The following TTN variants were observed in gnomAD, a reference collection of about 807,000 sequenced individuals.
TTN encodes the protein titin, also known as connectin.
Under a neutral mutation model 3,223.0 loss-of-function variants are expected in TTN, and 1,525 were observed. The observed-to-expected ratio is 0.47, with a 90% confidence interval of 0.45 to 0.49. The LOEUF (loss-of-function observed/expected upper bound fraction) is 0.49. Ranked by LOEUF, TTN falls within the 20% of genes least tolerant of loss-of-function variation. TTN has a pLI of 0.00. For synonymous variants in TTN, 14,094 were observed against 15,161.0 expected, an observed-to-expected ratio of 0.93 and a Z score of 5.17; for missense variants, 40,786 against 43,424.0, an observed-to-expected ratio of 0.94 and a Z score of 5.40.
chr2:178,672,524 GC>G, intron 153 of TTN, 43 bp from the exon 154 acceptor site: 6 of 1,602,322 alleles, frequency 3.7e-6, no homozygotes, highest in Non-Finnish European at 5.1e-6. Context: ...TCGAGAGCAA[GC>G]TTTCATAGAC....
intron 47 of TTN, chr2:178,745,845 CT>C (rs759220489): frequency 6.2e-7 from 1 of 1,613,058 alleles, no homozygotes; most frequent in Admixed American, 1.7e-5. Context: ...TCAGAAATAC[CT>C]TTGATAAACC....
At position 178,636,824 on chromosome 2, in the gene TTN, T is replaced by G. The variant is rs1283851156; in HGVS notation, c.40928-25A>C. The stretch of plus-strand genomic sequence containing the variant: ...CCTAATTCAAAGTAAAATAAAAAGT[T>G]GATTTGGCATCTCCTTAGGAGTCAG... On this transcript the variant is annotated intron_variant, in intron 224 of 362. Coordinates refer to ENST00000589042, the MANE Select transcript of TTN (RefSeq NM_001267550.2). The surrounding 1 kb of genome is among the most constrained non-coding windows in gnomAD (Gnocchi z 4.3). 6.5e-7 allele frequency: 1 copy of G among 1,536,522 alleles called. No homozygotes were observed. Among genetic ancestry groups the G allele is most frequent in the Non-Finnish European group, 8.7e-7 (1 of 1,144,492 alleles).
Position 178,535,135 on chromosome 2 carries a change from C to G in TTN, c.101480G>C (p.Arg33827Pro). The G allele has an allele frequency of 6.2e-7, 1 of 1,613,822 alleles. No homozygotes were observed. Among genetic ancestry groups the G allele is most frequent in the Non-Finnish European group, 8.5e-7 (1 of 1,179,846 alleles). The change falls in exon 358 of 363, where the codon CGT (arginine) becomes CCT (proline). Residue 33827 changes from arginine to proline, a missense_variant. Transcript: ENST00000589042. ...EKYMIAEDLG[R>P]GEFGIVHRCV... ...ACGATGGACAATTCCAAACTCACCA[C>G]GCCCAAGATCTTCAGCAATCATATA...
Position 178,543,541 on chromosome 2 carries a change from C to A in TTN, c.96432G>T (p.Lys32144Asn), listed in dbSNP as rs768078237. ...GAPVNNYIVE[K>N]REAAMRAFKT... ...TGAATGCTCTCATAGCAGCTTCACG[C>A]TTCTCAACGATGTAATTGTTGACTG... Residue 32144 changes from lysine to asparagine, a missense_variant, in exon 347 of 363, where the codon AAG (lysine) becomes AAT (asparagine). Lys to Asn is a moderately conservative substitution (Grantham distance 94, BLOSUM62 0). Coordinates refer to ENST00000589042, the MANE Select transcript of TTN (RefSeq NM_001267550.2). 2.9e-5 allele frequency: 46 copies of A among 1,612,528 alleles called. No individual in the cohort carries two copies. The highest frequency in any genetic ancestry group is 1.6e-4 in the Middle Eastern group (1 of 6,084).
At chr2:178,600,499 G>C in intron 288 of TTN, 1 of 215,618 alleles carries the variant, frequency 4.6e-6, no homozygotes, top group Non-Finnish European at 9.7e-6. Flanking sequence ...TGATTGTGAA[G>C]ATAAATGGGT....
rs190461403 is a variant in TTN at position 178,651,290 on chromosome 2, T to C, written c.39578A>G (p.Glu13193Gly). 4.8e-5 allele frequency: 77 copies of C among 1,613,300 alleles called. No individual in the cohort carries two copies. The Admixed American group carries it at 1.2e-3, about 26-fold the overall frequency. ...VPEVPKEVVP[E>G]KKVAVPKKPE... ...CTTTTTGGGAACAGCTACTTTCTTT[T>C]CTGGAACAACTTCTTTTGGAACTTC... The change falls in exon 208 of 363, where the codon GAA becomes GGA. Residue 13193 changes from glutamate to glycine, a missense_variant. Coordinates refer to ENST00000589042, the MANE Select transcript of TTN (RefSeq NM_001267550.2).
At chr2:178,631,702 T>C (rs2059827479) in intron 236 of TTN, among the ~76,000 whole-genome samples, 1 of 152,090 alleles carries the variant, frequency 6.6e-6, no homozygotes, top group Non-Finnish European at 1.5e-5. Context: ...CCTTTAATCA[T>C]GTCTATATAT....
chr2:178,775,449 T>G lies in TTN; in HGVS notation c.6415A>C (p.Arg2139=). The G allele has an allele frequency of 6.2e-7, 1 of 1,614,028 alleles. No individual in the cohort carries two copies. The highest frequency in any genetic ancestry group is 8.5e-7 in the Non-Finnish European group (1 of 1,179,986). The change falls in exon 28 of 363, where the codon AGA becomes CGA. Residue 2139 remains arginine (R), a synonymous_variant. Transcript: ENST00000589042. The stretch of plus-strand genomic sequence containing the variant: ...GCAGAGTCCTCAGCAGTCACATCTC[T>G]TATGACCAATTCACAAACATTGTCT... ...PEDNVCELVI[R]DVTAEDSASI... is the part of the protein sequence containing the mutation.
chr2:178,719,385 A>G lies in TTN; in HGVS notation c.24005T>C (p.Val8002Ala). 1.9e-6 allele frequency: 3 copies of G among 1,613,684 alleles called. No individual in the cohort carries two copies. The highest frequency in any genetic ancestry group is 2.2e-5 in the East Asian group (1 of 44,856). ...KDVNAILGAS[V>A]VLECRVSGSA... is the part of the protein sequence containing the mutation. ...GCCAGAGACTCGGCACTCCAAAACA[A>G]CTGAGGCCCCCAGGATGGCATTCAC... The change falls in exon 83 of 363, where the codon GTT becomes GCT. Residue 8002 changes from valine (V) to alanine (A), a missense_variant. By Grantham distance (64) the Val-to-Ala change is moderately conservative. Coordinates refer to ENST00000589042, the MANE Select transcript of TTN (RefSeq NM_001267550.2).
Position 178,595,550 on chromosome 2 carries a change from T to C in TTN, c.57804A>G (p.Pro19268=), listed in dbSNP as rs770940798. 49 of 1,568,342 alleles carry C rather than the reference T, an allele frequency of 3.1e-5. No individual in the cohort carries two copies. The highest frequency in any genetic ancestry group is 1.7e-6 in the Non-Finnish European group (2 of 1,155,164). The part of the protein sequence containing the change: ...IAAENSIGMG[P]FVETSEALVI... ...CAAGTGCCTCTGATGTCTCAACAAA[T>C]GGACCCATGCCAATACTATTTTCAG... Residue 19268 remains proline, a synonymous_variant, in exon 295 of 363, where the codon CCA becomes CCG. Coordinates refer to ENST00000589042, the MANE Select transcript of TTN (RefSeq NM_001267550.2).
chr2:178,584,693 T>C lies in TTN; in HGVS notation c.64948A>G (p.Lys21650Glu), dbSNP rs2048550217. The C allele has an allele frequency of 6.2e-7, 1 of 1,613,428 alleles. No homozygotes were observed. Among genetic ancestry groups the C allele is most frequent in the African/African-American group, 1.3e-5 (1 of 75,000 alleles). The change falls in exon 310 of 363, where the codon AAG becomes GAG. Residue 21650 changes from lysine (K) to glutamate (E), a missense_variant. Physicochemically the swap from Lys to Glu is moderately conservative, Grantham distance 56. Transcript: ENST00000589042. ...CCAAATGGGAACTGCGCAACCATCTTTGGAGATGTGAGAGGCTCTGAAATG... is the reference window on the plus strand; with the variant it reads ...CCAAATGGGAACTGCGCAACCATCTCTGGAGATGTGAGAGGCTCTGAAATG... ...FGISEPLTSP[K>E]MVAQFPFGVP...
At chr2:178,682,557 C>A in intron 135 of TTN, 140 bp downstream of exon 135, 1 of 773,212 alleles carries the variant, frequency 1.3e-6, no homozygotes. Flanking sequence ...AAGAAAATTC[C>A]GCATTTGCGA....
rs1265539582 is a variant in TTN at position 178,551,008 on chromosome 2, G to A, written c.91523C>T (p.Pro30508Leu). 6.2e-7 allele frequency: 1 copy of A among 1,613,260 alleles called. No homozygotes were observed. Among genetic ancestry groups the A allele is most frequent in the South Asian group, 1.1e-5 (1 of 91,048 alleles). Residue 30508 changes from proline to leucine, a missense_variant, in exon 336 of 363, where the codon CCC (proline) becomes CTC (leucine). Transcript: ENST00000589042. ...ARNAVGTISPPSQSSGIIMTR... is the reference protein window; with the variant it reads ...ARNAVGTISPLSQSSGIIMTR... ...CATAATAATGCCAGAAGACTGTGAG[G>A]GCGGGCTTATAGTTCCAACAGCATT...
rs2154179261 is a variant in TTN, at chr2:178,583,801, A to G, written c.65381T>C (p.Val21794Ala). 1.9e-6 allele frequency: 3 copies of G among 1,610,262 alleles called. No individual in the cohort carries two copies. Among genetic ancestry groups the G allele is most frequent in the African/African-American group, 2.7e-5 (2 of 74,970 alleles). The change falls in exon 312 of 363, where the codon GTA becomes GCA. Residue 21794 changes from valine to alanine, a missense_variant. By Grantham distance (64) the Val-to-Ala change is moderately conservative. Coordinates refer to ENST00000589042, the MANE Select transcript of TTN (RefSeq NM_001267550.2). The stretch of plus-strand genomic sequence containing the variant: ...ATCACCAGGAAGTTTGCAAGCTTCT[A>G]CGAAATAGCCAATAATTTTACTGCC... ...DGGSKIIGYF[V>A]EACKLPGDKW...
intron 47 of TTN, chr2:178,745,055 G>A (rs1007677796): frequency 5.4e-5 from 53 of 986,908 alleles, no homozygotes; most frequent in Non-Finnish European, 6.1e-5. Flanking sequence ...CCAATTGGGA[G>A]AAGCTGGTTT....
Position 178,570,409 on chromosome 2 carries a change from A to T in TTN, c.75723T>A (p.Ile25241=). 1 of 1,613,154 alleles carries T rather than the reference A, an allele frequency of 6.2e-7. No individual in the cohort carries two copies. The highest frequency in any genetic ancestry group is 8.5e-7 in the Non-Finnish European group (1 of 1,179,578). ...QDGGSDIINY[I]VERRETSRLV... is the part of the protein sequence containing the mutation. ...AGCGGCTGGTTTCTCTCCTTTCCAC[A>T]ATATAATTTATGATGTCACTCCCAC... The change falls in exon 326 of 363, where the codon ATT becomes ATA. Residue 25241 remains isoleucine (I), a synonymous_variant. Transcript: ENST00000589042.
At position 178,775,482 on chromosome 2, in the gene TTN, A is replaced by G. The variant is rs866674875; in HGVS notation, c.6382T>C (p.Trp2128Arg). The G allele has an allele frequency of 6.2e-7, 1 of 1,614,038 alleles. No homozygotes were observed. Among genetic ancestry groups the G allele is most frequent in the Non-Finnish European group, 8.5e-7 (1 of 1,180,002 alleles). The change falls in exon 28 of 363, where the codon TGG becomes CGG. Residue 2128 changes from tryptophan to arginine, a missense_variant. Coordinates refer to ENST00000589042, the MANE Select transcript of TTN (RefSeq NM_001267550.2). The stretch of plus-strand genomic sequence containing the variant: ...AATTCACAAACATTGTCTTCGGGCC[A>G]GTACCAGTAGATCCGGTCAGACCGT... Reference protein sequence around the residue: ...IERSDRIYWYWPEDNVCELVI... With the variant: ...IERSDRIYWYRPEDNVCELVI...
chr2:178,696,697 T>C (rs936560612), intron 113 of TTN, among the ~76,000 whole-genome samples: 5 of 152,122 alleles, frequency 3.3e-5, no homozygotes, highest in Non-Finnish European at 7.4e-5. Context: ...ACCTAGGTTT[T>C]TGACTATTGC....
rs771843862 is a variant in TTN, at chr2:178,709,641, C to T, written c.28678G>A (p.Asp9560Asn). 7.6e-5 allele frequency: 123 copies of T among 1,613,800 alleles called. No individual in the cohort carries two copies. The South Asian group carries it at 9.9e-4, about 13-fold the overall frequency. ...ACTTTGCATGTGTACAAACCAGCGT[C>T]GTTCATGCCTGCTTTCCTGACTTGC... ...VLQVRKAGMN[D>N]AGLYTCKVSN... Residue 9560 changes from aspartate (D) to asparagine (N), a missense_variant, in exon 99 of 363, where the codon GAC (aspartate) becomes AAC (asparagine). Asp to Asn is a conservative substitution (Grantham distance 23). Coordinates refer to ENST00000589042, the MANE Select transcript of TTN (RefSeq NM_001267550.2).
Sources: allele counts gnomAD v4.1 joint callset (sites outside exome capture counted in the v4.1 genomes callset), GRCh38; gene constraint gnomAD v4.1.1; non-coding constraint Gnocchi (gnomAD v3.1); transcripts MANE v1.5; gene names NCBI Gene and HGNC (gene_info 2026-07-23, HGNC 2026-07-21).